Variants in BTN1A1 observed in about 807,000 individuals in gnomAD.
BTN1A1 encodes the protein butyrophilin subfamily 1 member A1.
BTN1A1 carries 26 observed loss-of-function variants against 33.1 expected under a neutral mutation model. The observed-to-expected ratio is 0.79, with a 90% CI of 0.58 to 1.09. BTN1A1 has a LOEUF of 1.09. Ranked by LOEUF, BTN1A1 falls within the 50% of genes least tolerant of loss-of-function variation. The pLI is 0.00. For synonymous variants in BTN1A1, 235 were observed against 256.2 expected (o/e 0.92, Z 0.79); for missense variants, 558 against 655.7 (o/e 0.85, Z 1.63).
chr6:26,510,316 G>T lies in BTN1A1; in HGVS notation c.*1142G>T, dbSNP rs1185278800. Reference sequence around the variant, plus strand: ...TTCCTTTACACATGTGGCTTGTCTTGCCAATAGACTCCAGGCTTATACCTT... The same window carrying T: ...TTCCTTTACACATGTGGCTTGTCTTTCCAATAGACTCCAGGCTTATACCTT... On this transcript the variant is annotated 3_prime_UTR_variant, in exon 8 of 8. Coordinates refer to ENST00000684113, the MANE Select transcript of BTN1A1 (RefSeq NM_001732.3). 6.6e-6 allele frequency: 1 copy of T among 152,302 alleles called. No homozygotes were observed. The highest frequency in any genetic ancestry group is 1.9e-4 in the East Asian group (1 of 5,194). 9.4% of individuals were successfully genotyped at this position (152,302 alleles called of 1,614,324 possible). A position where few individuals can be genotyped will look rare whatever the true frequency, so the allele number is the denominator to read the frequency against.
intron 5 of BTN1A1, 50 bp downstream of exon 5, chr6:26,506,882 A>T: frequency 6.3e-7 from 1 of 1,597,838 alleles, no homozygotes; most frequent in East Asian, 2.2e-5. Flanking sequence ...CTTCAGAGGC[A>T]GGCTGGATCC....
chr6:26,506,863 T>C, intron 5 of BTN1A1, 31 bp downstream of exon 5: 1 of 1,611,206 alleles, frequency 6.2e-7, no homozygotes, highest in Non-Finnish European at 8.5e-7. Context: ...GGGCTACGTG[T>C]CAGGAGTGCT....
Position 26,508,059 on chromosome 6 carries a change from A to C in BTN1A1, c.881-2A>C, listed in dbSNP as rs868088003. The C allele has an allele frequency of 6.2e-7, 1 of 1,612,844 alleles. No individual in the cohort carries two copies. Among genetic ancestry groups the C allele is most frequent in the African/African-American group, 1.3e-5 (1 of 74,856 alleles). ...AATGACTATCTTTCTCTTTTGTTGC[A>C]GAATGGAAAAAGGCTACCTTGCATG... On this transcript the variant is annotated splice_acceptor_variant, in intron 6 of 7. Transcript: ENST00000684113. LOFTEE classifies it high-confidence loss of function.
At position 26,501,561 on chromosome 6, in the gene BTN1A1, C is replaced by A; in HGVS notation, c.80-29C>A. The A allele has an allele frequency of 6.2e-7, 1 of 1,609,132 alleles. No homozygotes were observed. The highest frequency in any genetic ancestry group is 8.5e-7 in the Non-Finnish European group (1 of 1,176,604). On this transcript the variant is annotated intron_variant, in intron 2 of 7. Transcript: ENST00000684113. This position sits in a 1 kb window ranked among gnomAD's most constrained non-coding sequence, Gnocchi z 5.2. ...CTGTCCGTAGTTCCCATCTCCACATCCCGTCTGATCCCGCTCGTTTTTCGG... is the reference window on the plus strand; with the variant it reads ...CTGTCCGTAGTTCCCATCTCCACATACCGTCTGATCCCGCTCGTTTTTCGG...
In BTN1A1 at chr6:26,509,839, G is replaced by A. The variant is rs904008147; in HGVS notation, c.*665G>A. The A allele has an allele frequency of 1.3e-5, 2 of 152,326 alleles. No individual in the cohort carries two copies. Among genetic ancestry groups the A allele is most frequent in the Non-Finnish European group, 2.9e-5 (2 of 68,128 alleles). The allele number at this position is 152,326 out of a possible 1,614,324, so 9.4% of individuals were successfully genotyped here. The stretch of plus-strand genomic sequence containing the variant: ...AGGGATGAAGGGTCAGGCAGAAAGC[G>A]TGATAGAGGAGAGAATTTTTGACAA... On this transcript the variant is annotated 3_prime_UTR_variant, in exon 8 of 8. Transcript: ENST00000684113.
intron 3 of BTN1A1, among the ~76,000 whole-genome samples, chr6:26,503,504 A>G (rs1338751237): frequency 6.6e-6 from 1 of 151,658 alleles, no homozygotes; most frequent in Non-Finnish European, 1.5e-5. Flanking sequence ...ATTAGACAAT[A>G]TATGAGAAAT....
At chr6:26,504,477 T>C (rs1433942143) in intron 3 of BTN1A1, among the ~76,000 whole-genome samples, 2 of 151,518 alleles carry the variant, frequency 1.3e-5, no homozygotes, top group Non-Finnish European at 2.9e-5. Context: ...TACTTCAATT[T>C]CCTTTAAAAA....
chr6:26,501,997 G>C lies in BTN1A1; in HGVS notation c.427+60G>C, dbSNP rs1763807729. On this transcript the variant is annotated intron_variant, in intron 3 of 7. Coordinates refer to ENST00000684113, the MANE Select transcript of BTN1A1 (RefSeq NM_001732.3). This position sits in a 1 kb window ranked among gnomAD's most constrained non-coding sequence, Gnocchi z 5.2. Reference sequence around the variant, plus strand: ...CCCCTGCTGTATACACTTTCGTATGGATCAGTTACTTTGGAAACCATCAGA... The same window carrying C: ...CCCCTGCTGTATACACTTTCGTATGCATCAGTTACTTTGGAAACCATCAGA... 3 of 1,492,186 alleles carry C rather than the reference G, an allele frequency of 2.0e-6. No homozygotes were observed. The highest frequency in any genetic ancestry group is 4.8e-5 in the Admixed American group (2 of 41,784). 92.4% of individuals were successfully genotyped at this position (1,492,186 alleles called of 1,614,324 possible).
Position 26,505,193 on chromosome 6 carries a change from A to G in BTN1A1, c.696A>G (p.Glu232=). 1 of 1,613,566 alleles carries G rather than the reference A, an allele frequency of 6.2e-7. No homozygotes were observed. Among genetic ancestry groups the G allele is most frequent in the Non-Finnish European group, 8.5e-7 (1 of 1,179,544 alleles). ...NLLLGQEKKV[E]ISIPASSLPR... ...TTCTTGGCCAGGAGAAGAAAGTAGAAATATCCATACCAGGTTAGTGGAACC... is the reference window on the plus strand; with the variant it reads ...TTCTTGGCCAGGAGAAGAAAGTAGAGATATCCATACCAGGTTAGTGGAACC... The change falls in exon 4 of 8, where the codon GAA becomes GAG. Residue 232 remains glutamate (E), a synonymous_variant. Coordinates refer to ENST00000684113, the MANE Select transcript of BTN1A1 (RefSeq NM_001732.3).
At position 26,508,855 on chromosome 6, in the gene BTN1A1, G is replaced by T. The variant is rs369973508; in HGVS notation, c.1262G>T (p.Arg421Leu). Reference protein sequence around the residue: ...TPLPLAGPPRRVGIFLDYESG... With the variant: ...TPLPLAGPPRLVGIFLDYESG... ...CTCCCATTGGCAGGGCCCCCACGCC[G>T]GGTTGGGATTTTCCTAGACTATGAA... The change falls in exon 8 of 8, where the codon CGG becomes CTG. Residue 421 changes from arginine to leucine, a missense_variant. Coordinates refer to ENST00000684113, the MANE Select transcript of BTN1A1 (RefSeq NM_001732.3). 6.2e-7 allele frequency: 1 copy of T among 1,614,028 alleles called. No individual in the cohort carries two copies. The highest frequency in any genetic ancestry group is 8.5e-7 in the Non-Finnish European group (1 of 1,180,028).
chr6:26,507,848 T>C, intron 5 of BTN1A1, 102 bp from the exon 6 acceptor site: 1 of 1,182,364 alleles, frequency 8.5e-7, no homozygotes, highest in Non-Finnish European at 1.2e-6. Context: ...CAAATAGTCA[T>C]GAATTAAACA....
chr6:26,508,274 CAG>C (rs1184411382), intron 7 of BTN1A1, among the ~76,000 whole-genome samples, 187 bp downstream of exon 7: 1 of 152,174 alleles, frequency 6.6e-6, no homozygotes, highest in Non-Finnish European at 1.5e-5. Context: ...GCACTTCCGA[CAG>C]AGTCCCATTA....
chr6:26,504,698 A>T lies in BTN1A1; in HGVS notation c.428-227A>T, dbSNP rs186834783. ...GCCCAGGCTGGTCTTGATCTCCTGGACTCAAGTAATCCTGCCTCAGCCTCC... is the reference window on the plus strand; with the variant it reads ...GCCCAGGCTGGTCTTGATCTCCTGGTCTCAAGTAATCCTGCCTCAGCCTCC... On this transcript the variant is annotated intron_variant, in intron 3 of 7. Coordinates refer to ENST00000684113, the MANE Select transcript of BTN1A1 (RefSeq NM_001732.3). 2.0e-3 allele frequency among the ~76,000 whole-genome samples: 309 copies of T among 152,018 alleles called. 2 individuals are homozygous for T. Among genetic ancestry groups the T allele is most frequent in the Middle Eastern group, 6.8e-3 (2 of 294 alleles).
Position 26,501,335 on chromosome 6 carries a change from A to C in BTN1A1, c.49A>C (p.Ile17Leu), listed in dbSNP as rs752713623. 1 of 1,614,056 alleles carries C rather than the reference A, an allele frequency of 6.2e-7. No homozygotes were observed. Among genetic ancestry groups the C allele is most frequent in the Non-Finnish European group, 8.5e-7 (1 of 1,179,998 alleles). Reference protein sequence around the residue: ...SGLPRCLLTLILLQLPKLDSA... With the variant: ...SGLPRCLLTLLLLQLPKLDSA... Reference sequence around the variant, plus strand: ...TCTCCCCAGATGTCTGCTCACCCTCATTCTCCTCCAGCTGCCCAAACTGGA... The same window carrying C: ...TCTCCCCAGATGTCTGCTCACCCTCCTTCTCCTCCAGCTGCCCAAACTGGA... Residue 17 changes from isoleucine (I) to leucine (L), a missense_variant, in exon 2 of 8, where the codon ATT becomes CTT. By Grantham distance (5) the Ile-to-Leu change is conservative. Transcript: ENST00000684113. This position sits in a 1 kb window ranked among gnomAD's most constrained non-coding sequence, Gnocchi z 5.2.
In BTN1A1 at chr6:26,504,966, A is replaced by G; in HGVS notation, c.469A>G (p.Asn157Asp). 6.2e-7 allele frequency: 1 copy of G among 1,614,150 alleles called. No individual in the cohort carries two copies. Residue 157 changes from asparagine (N) to aspartate (D), a missense_variant, in exon 4 of 8, where the codon AAT becomes GAT. Asn to Asp is a conservative substitution (Grantham distance 23, BLOSUM62 1). Transcript: ENST00000684113. The stretch of plus-strand genomic sequence containing the variant: ...TCACATCAGTATGCAAGTTCAAGAG[A>G]ATGGAGAAATCTGTCTGGAGTGCAC... The part of the protein sequence containing the change: ...DPHISMQVQE[N>D]GEICLECTSV...
rs754027038 is a variant in BTN1A1, at chr6:26,501,690, C to G, written c.180C>G (p.His60Gln). ...TGTCTCCGAACGCGAGCGCCGAGCACTTGGAGCTACGCTGGTTCCGAAAGA... is the reference window on the plus strand; with the variant it reads ...TGTCTCCGAACGCGAGCGCCGAGCAGTTGGAGCTACGCTGGTTCCGAAAGA... ...CRLSPNASAEHLELRWFRKKV... is the reference protein window; with the variant it reads ...CRLSPNASAEQLELRWFRKKV... Residue 60 changes from histidine to glutamine, a missense_variant, in exon 3 of 8, where the codon CAC (histidine) becomes CAG (glutamine). Physicochemically the swap from His to Gln is conservative, Grantham distance 24. Coordinates refer to ENST00000684113, the MANE Select transcript of BTN1A1 (RefSeq NM_001732.3). The surrounding 1 kb of genome is among the most constrained non-coding windows in gnomAD (Gnocchi z 5.2). 1 of 1,614,044 alleles carries G rather than the reference C, an allele frequency of 6.2e-7. No individual in the cohort carries two copies. The highest frequency in any genetic ancestry group is 8.5e-7 in the Non-Finnish European group (1 of 1,179,998).
Position 26,501,368 on chromosome 6 carries a change from A to G in BTN1A1, c.79+3A>G, listed in dbSNP as rs1763795704. On this transcript the variant is annotated splice_donor_region_variant and intron_variant, in intron 2 of 7. Transcript: ENST00000684113. The surrounding 1 kb of genome is among the most constrained non-coding windows in gnomAD (Gnocchi z 5.2). ...CCAGCTGCCCAAACTGGATTCAGGT[A>G]AGTCTCTCTCTCTCTCTGGGCTGCA... 1 of 1,611,036 alleles carries G rather than the reference A, an allele frequency of 6.2e-7. No individual in the cohort carries two copies. The highest frequency in any genetic ancestry group is 8.5e-7 in the Non-Finnish European group (1 of 1,177,356).
chr6:26,501,621 C>T lies in BTN1A1; in HGVS notation c.111C>T (p.Pro37=), dbSNP rs773671829. The T allele has an allele frequency of 4.3e-6, 7 of 1,613,772 alleles. No homozygotes were observed. The highest frequency in any genetic ancestry group is 5.9e-6 in the Non-Finnish European group (7 of 1,179,984). ...APFDVIGPPE[P]ILAVVGEDAE... ...TTGACGTGATTGGACCCCCGGAGCC[C>T]ATCCTGGCCGTTGTGGGTGAGGACG... Residue 37 remains proline (P), a synonymous_variant, in exon 3 of 8, where the codon CCC becomes CCT. Transcript: ENST00000684113. This position sits in a 1 kb window ranked among gnomAD's most constrained non-coding sequence, Gnocchi z 5.2.
chr6:26,509,332 G>T lies in BTN1A1; in HGVS notation c.*158G>T, dbSNP rs878913009. On this transcript the variant is annotated 3_prime_UTR_variant, in exon 8 of 8. Coordinates refer to ENST00000684113, the MANE Select transcript of BTN1A1 (RefSeq NM_001732.3). ...CATTGCTGCTGCTAGAGAGGGTGGGGATTGCACCTTCCAAATCTGTTTCTG... is the reference window on the plus strand; with the variant it reads ...CATTGCTGCTGCTAGAGAGGGTGGGTATTGCACCTTCCAAATCTGTTTCTG... 4 of 706,422 alleles carry T rather than the reference G, an allele frequency of 5.7e-6. No homozygotes were observed. The highest frequency in any genetic ancestry group is 9.2e-6 in the Non-Finnish European group (4 of 436,080). The allele number at this position is 706,422 out of a possible 1,614,324, so 43.8% of individuals were successfully genotyped here.
Sources: allele counts gnomAD v4.1 joint callset (sites outside exome capture counted in the v4.1 genomes callset), GRCh38; gene constraint gnomAD v4.1.1; non-coding constraint Gnocchi (gnomAD v3.1); transcripts MANE v1.5; gene names NCBI Gene and HGNC (gene_info 2026-07-23, HGNC 2026-07-21).